GPC6: variants seen among roughly 807,000 people sequenced by gnomAD.
GPC6 encodes glypican-6.
Under a neutral mutation model 55.2 loss-of-function variants are expected in GPC6, and 14 were observed. That is an observed-to-expected ratio of 0.25 (90% CI 0.17 to 0.40). GPC6 has a LOEUF of 0.40. Ranked by LOEUF, GPC6 falls within the 10% of genes least tolerant of loss-of-function variation. The pLI, the probability that GPC6 is intolerant of heterozygous loss-of-function variation, is 1.00. For missense variants in GPC6, 641 were observed against 708.5 expected, an observed-to-expected ratio of 0.90 and a Z score of 1.08; for synonymous variants, 278 against 259.6, an observed-to-expected ratio of 1.07 and a Z score of -0.68.
chr13:93,970,751 G>C (rs76630197), intron 3 of GPC6, among the ~76,000 whole-genome samples: 2,803 of 152,204 alleles, frequency 0.018, 100 homozygotes, highest in African/African-American at 0.064. Context: ...GATGAAACTC[G>C]CATCAACACC....
At chr13:93,268,148 T>C (rs1210047229) in intron 1 of GPC6, among the ~76,000 whole-genome samples, 2 of 152,184 alleles carry the variant, frequency 1.3e-5, no homozygotes, top group Admixed American at 6.5e-5. Context: ...TGCATTTCTA[T>C]AGGGAAAAAA....
rs562013219 is a variant in GPC6 at position 93,788,023 on chromosome 13, C to T, written c.320-42131C>T. Among the ~76,000 whole-genome samples, 4 of 152,282 alleles carry T rather than the reference C, an allele frequency of 2.6e-5. No homozygotes were observed. The East Asian group carries it at 7.7e-4, about 29-fold the overall frequency. The stretch of plus-strand genomic sequence containing the variant: ...ATGTAGGTTATAGATTGATAGATTA[C>T]TCATTCTAGTAAGTAACAATGGAGT... On this transcript the variant is annotated intron_variant, in intron 2 of 8. Coordinates refer to ENST00000377047, the MANE Select transcript of GPC6 (RefSeq NM_005708.5).
intron 1 of GPC6, among the ~76,000 whole-genome samples, chr13:93,403,170 T>A (rs566493217): frequency 1.2e-4 from 18 of 152,184 alleles, no homozygotes; most frequent in Non-Finnish European, 2.1e-4. Context: ...ACTATTATAC[T>A]GAGAATTAAA....
At chr13:93,820,457 T>A (rs1594485911) in intron 2 of GPC6, among the ~76,000 whole-genome samples, 2 of 152,130 alleles carry the variant, frequency 1.3e-5, no homozygotes, top group Non-Finnish European at 2.9e-5. Flanking sequence ...TGTGTTACAG[T>A]ATTTTTAACA....
intron 1 of GPC6, among the ~76,000 whole-genome samples, chr13:93,431,453 T>C (rs1358938803): frequency 1.3e-5 from 2 of 152,144 alleles, no homozygotes; most frequent in Non-Finnish European, 2.9e-5. Context: ...ACATAACAGA[T>C]AATTCTTTAA....
chr13:93,680,899 A>C (rs1278359947), intron 2 of GPC6, among the ~76,000 whole-genome samples: 1 of 152,158 alleles, frequency 6.6e-6, no homozygotes, highest in Non-Finnish European at 1.5e-5. Flanking sequence ...ACACAGTAAG[A>C]GCTATGCTTG....
intron 1 of GPC6, among the ~76,000 whole-genome samples, chr13:93,251,073 A>G (rs1876771414): frequency 1.3e-5 from 2 of 152,076 alleles, no homozygotes; most frequent in Admixed American, 6.6e-5. Context: ...TATGGAGGAA[A>G]CCATCCCCAT....
chr13:94,092,983 GTTGT>G (rs1401417658), intron 4 of GPC6, among the ~76,000 whole-genome samples: 6 of 152,038 alleles, frequency 3.9e-5, no homozygotes, highest in South Asian at 4.1e-4. Flanking sequence ...TTCTGGCTGA[GTTGT>G]TTAAGTTCCT....
At chr13:93,307,607 T>A (rs1768479108) in intron 1 of GPC6, among the ~76,000 whole-genome samples, 1 of 152,152 alleles carries the variant, frequency 6.6e-6, no homozygotes, top group Non-Finnish European at 1.5e-5. Context: ...ATTAACTCAG[T>A]ATGAGTTTAC....
At chr13:94,401,269 T>G (rs1881116812) in intron 8 of GPC6, among the ~76,000 whole-genome samples, 1 of 152,186 alleles carries the variant, frequency 6.6e-6, no homozygotes, top group South Asian at 2.1e-4. Flanking sequence ...TCTCAAAGAT[T>G]ATGTCCTCAG....
At chr13:94,346,037 A>T (rs1470890703) in intron 6 of GPC6, among the ~76,000 whole-genome samples, 1 of 152,102 alleles carries the variant, frequency 6.6e-6, no homozygotes, top group East Asian at 1.9e-4. Context: ...CAGCTGTAGC[A>T]CTTGAGCCTC....
chr13:93,529,701 G>A lies in GPC6; in HGVS notation c.161-15562G>A, dbSNP rs576837033. Among the ~76,000 whole-genome samples the A allele has an allele frequency of 4.6e-5, 7 of 151,774 alleles. No homozygotes were observed. In the South Asian group the frequency reaches 1.5e-3, roughly 32 times the overall value. Reference sequence around the variant, plus strand: ...CCATCTAATTTTTGTATTTTTAGTAGAGACAGGTTTTTACCACCTGGGCCA... The same window carrying A: ...CCATCTAATTTTTGTATTTTTAGTAAAGACAGGTTTTTACCACCTGGGCCA... On this transcript the variant is annotated intron_variant, in intron 1 of 8. Coordinates refer to ENST00000377047, the MANE Select transcript of GPC6 (RefSeq NM_005708.5).
At chr13:93,428,619 G>GTACC (rs1048464148) in intron 1 of GPC6, among the ~76,000 whole-genome samples, 9 of 152,108 alleles carry the variant, frequency 5.9e-5, no homozygotes, top group Non-Finnish European at 1.0e-4. Flanking sequence ...GCAGAGTGCT[G>GTACC]TACCTACTAC....
chr13:94,275,636 A>G (rs756170080), intron 4 of GPC6, among the ~76,000 whole-genome samples: 1 of 152,184 alleles, frequency 6.6e-6, no homozygotes, highest in Non-Finnish European at 1.5e-5. Flanking sequence ...ATGAATGAAG[A>G]GAAAAGATAA....
chr13:94,185,635 G>T (rs577358643), intron 4 of GPC6, among the ~76,000 whole-genome samples: 1 of 151,898 alleles, frequency 6.6e-6, no homozygotes, highest in African/African-American at 2.4e-5. Context: ...GTAAAAAAAA[G>T]AATATGGTCA....
At chr13:93,340,412 C>T (rs1229361718) in intron 1 of GPC6, among the ~76,000 whole-genome samples, 1 of 152,138 alleles carries the variant, frequency 6.6e-6, no homozygotes, top group African/African-American at 2.4e-5. Flanking sequence ...GGACAAAGTC[C>T]ACACTTTTAT....
intron 2 of GPC6, among the ~76,000 whole-genome samples, chr13:93,714,472 TAC>T (rs1403077220): frequency 1.3e-5 from 2 of 151,904 alleles, no homozygotes; most frequent in African/African-American, 4.8e-5. Flanking sequence ...GGAATGCTTA[TAC>T]ACTGTTGCTG....
At chr13:94,299,330 T>C (rs1166056529) in intron 5 of GPC6, among the ~76,000 whole-genome samples, 1 of 152,368 alleles carries the variant, frequency 6.6e-6, no homozygotes, top group African/African-American at 2.4e-5. Flanking sequence ...GGGGAGAACA[T>C]TGTAACCCCA....
chr13:93,805,685 G>A (rs188413914), intron 2 of GPC6, among the ~76,000 whole-genome samples: 54 of 152,152 alleles, frequency 3.5e-4, no homozygotes, highest in East Asian at 2.5e-3. Context: ...ATTTGTTTGC[G>A]TATTCTAAAA....
Sources: gnomAD v4.1 joint callset for allele counts (sites outside exome capture counted in the v4.1 genomes callset) on GRCh38, gnomAD v4.1.1 for gene constraint, MANE v1.5 for transcripts, NCBI Gene and HGNC (gene_info 2026-07-23, HGNC 2026-07-21) for gene names.